CASP10: variants seen among roughly 807,000 people sequenced by gnomAD.
CASP10 encodes the protein caspase 10, also known as caspase-10.
A neutral mutation model predicts 48.5 loss-of-function variants in CASP10; 41 were observed. The ratio of observed to expected loss-of-function variants is 0.85; its 90% CI spans 0.66 to 1.10. The LOEUF (loss-of-function observed/expected upper bound fraction) is 1.10, where lower values mean the gene tolerates loss of function less well. Among genes scored for constraint, CASP10 ranks in the 50% least tolerant of loss-of-function variants. CASP10 has a pLI of 0.00. For missense variants in CASP10, 614 were observed against 614.5 expected, an observed-to-expected ratio of 1.00 and a Z score of 0.01; for synonymous variants, 232 against 238.4, an observed-to-expected ratio of 0.97 and a Z score of 0.25.
chr2:201,209,071 G>C lies in CASP10; in HGVS notation c.924G>C (p.Glu308Asp), dbSNP rs778824401. Residue 308 changes from glutamate to aspartate, a missense_variant and splice_region_variant, in exon 9 of 10, where the codon GAG becomes GAC. Physicochemically the swap from Glu to Asp is conservative, Grantham distance 45 (BLOSUM62 2). Coordinates refer to ENST00000286186, the MANE Select transcript of CASP10 (RefSeq NM_032977.4). The part of the protein sequence containing the change: ...KDRQGTHKDA[E>D]ILSHVFQWLG... ...TTTTTTTTTTTTGTTTTTAAACAGAGATCCTGAGTCATGTGTTCCAGTGGC... is the reference window on the plus strand; with the variant it reads ...TTTTTTTTTTTTGTTTTTAAACAGACATCCTGAGTCATGTGTTCCAGTGGC... 1.3e-6 allele frequency: 2 copies of C among 1,529,684 alleles called. No individual in the cohort carries two copies. The highest frequency in any genetic ancestry group is 1.8e-6 in the Non-Finnish European group (2 of 1,116,372). 94.8% of individuals were successfully genotyped at this position (1,529,684 alleles called of 1,614,324 possible). A position where few individuals can be genotyped will look rare whatever the true frequency, so the allele number is the denominator to read the frequency against.
At chr2:201,189,270 A>AT (rs35733718) in intron 3 of CASP10, among the ~76,000 whole-genome samples, 126 of 121,632 alleles carry the variant, frequency 1.0e-3, no homozygotes, top group Middle Eastern at 4.2e-3. Flanking sequence ...TCTTTCAGTT[A>AT]TTTTTTTTTT....
intron 4 of CASP10, among the ~76,000 whole-genome samples, chr2:201,194,741 C>T (rs1944729018): frequency 1.3e-5 from 2 of 152,170 alleles, no homozygotes; most frequent in South Asian, 4.1e-4. Context: ...TAGTTGATTA[C>T]ATTTGCCTCA....
chr2:201,223,596 A>T (rs1310321132), downstream of CASP10, among the ~76,000 whole-genome samples: 1 of 152,158 alleles, frequency 6.6e-6, no homozygotes, highest in African/African-American at 2.4e-5. Flanking sequence ...ACTCATTTTC[A>T]TTCTAAACTC....
chr2:201,187,614 A>C, intron 2 of CASP10, 92 bp from the exon 3 acceptor site: 1 of 944,544 alleles, frequency 1.1e-6, no homozygotes, highest in South Asian at 1.3e-5. Flanking sequence ...TGATCATTCA[A>C]ATGACAGAAA....
rs1157096312 is a variant in CASP10 at position 201,221,102 on chromosome 2, T to C, written c.*3361T>C. 3 of 985,342 alleles carry C rather than the reference T, an allele frequency of 3.0e-6. No individual in the cohort carries two copies. In the African/African-American group the frequency reaches 5.2e-5, roughly 17 times the overall value. 61.0% of individuals were successfully genotyped at this position (985,342 alleles called of 1,614,324 possible). On this transcript the variant is annotated 3_prime_UTR_variant, in exon 10 of 10. Transcript: ENST00000286186. ...GGTGGTAGGGTCTTCCGGTTGTAAC[T>C]GCAACAGAAATAGCAGGACTTAAGT...
intron 1 of CASP10, among the ~76,000 whole-genome samples, 198 bp downstream of exon 1, chr2:201,183,506 A>G (rs1439759268): frequency 6.6e-6 from 1 of 152,184 alleles, no homozygotes; most frequent in Non-Finnish European, 1.5e-5. Flanking sequence ...CGGGGCAGAA[A>G]TATGTTAGCT....
rs1275141318 is a variant in CASP10, at chr2:201,195,900, A to C, written c.636A>C (p.Glu212Asp). Reference sequence around the variant, plus strand: ...AAGCCGAGTCGTATCAAGGAGAGGAAGAACTAGTTTCCCAAACAGATGTTA... The same window carrying C: ...AAGCCGAGTCGTATCAAGGAGAGGACGAACTAGTTTCCCAAACAGATGTTA... ...DKEAESYQGE[E>D]ELVSQTDVKT... Residue 212 changes from glutamate (E) to aspartate (D), a missense_variant, in exon 5 of 10, where the codon GAA (glutamate) becomes GAC (aspartate). Physicochemically the swap from Glu to Asp is conservative, Grantham distance 45. Transcript: ENST00000286186. The C allele has an allele frequency of 1.2e-6, 2 of 1,614,074 alleles. No homozygotes were observed. The highest frequency in any genetic ancestry group is 1.7e-6 in the Non-Finnish European group (2 of 1,179,958).
Position 201,205,952 on chromosome 2 carries a change from A to C in CASP10, c.792A>C (p.Leu264=), listed in dbSNP as rs1945188767. Residue 264 remains leucine (L), a synonymous_variant, in exon 7 of 10, where the codon CTA becomes CTC. Transcript: ENST00000286186. ...TGCAAGGAGCATCTGCTAACACTCT[A>C]AACTCTGAAACCAGCACAAAGGTCT... The part of the protein sequence containing the change: ...RGMQGASANT[L]NSETSTKRAA... 6.2e-7 allele frequency: 1 copy of C among 1,612,000 alleles called. No individual in the cohort carries two copies. The highest frequency in any genetic ancestry group is 8.5e-7 in the Non-Finnish European group (1 of 1,178,154).
chr2:201,211,658 G>A (rs1249974542), intron 9 of CASP10, among the ~76,000 whole-genome samples: 2 of 152,034 alleles, frequency 1.3e-5, no homozygotes, highest in Non-Finnish European at 2.9e-5. Flanking sequence ...CTTGGCTATT[G>A]TAAATAATGC....
intron 1 of CASP10, among the ~76,000 whole-genome samples, chr2:201,184,572 C>T (rs1163575851): frequency 6.6e-6 from 1 of 152,258 alleles, no homozygotes; most frequent in African/African-American, 2.4e-5. Context: ...GATCCACCCG[C>T]CTTGGCCTCC....
At chr2:201,196,088 G>A (rs1390460023) in intron 5 of CASP10, 140 bp downstream of exon 5, 1 of 649,366 alleles carries the variant, frequency 1.5e-6, no homozygotes, top group Admixed American at 2.7e-5. Context: ...CATGGTGATT[G>A]CAAGTAAACA....
chr2:201,219,441 G>C lies in CASP10; in HGVS notation c.*1700G>C, dbSNP rs1277091317. On this transcript the variant is annotated 3_prime_UTR_variant, in exon 10 of 10. Coordinates refer to ENST00000286186, the MANE Select transcript of CASP10 (RefSeq NM_032977.4). ...GAATCAGGACTCAATCTACAGGCCA[G>C]CACCTTTCTCTTGGCCGGATGTCCT... The C allele has an allele frequency of 3.0e-6, 3 of 985,368 alleles. No homozygotes were observed. The highest frequency in any genetic ancestry group is 3.6e-6 in the Non-Finnish European group (3 of 829,976). The allele number at this position is 985,368 out of a possible 1,614,324, so 61.0% of individuals were successfully genotyped here. A position where few individuals can be genotyped will look rare whatever the true frequency, so the allele number is the denominator to read the frequency against.
At position 201,200,605 on chromosome 2, in the gene CASP10, C is replaced by T. The variant is rs145537503; in HGVS notation, c.685-3125C>T. ...GAGAGGCCTGCTCTTCGGCTCTGCC[C>T]TGAACCTCATTCGGCAGGTGGAGGT... On this transcript the variant is annotated intron_variant, in intron 5 of 9. Coordinates refer to ENST00000286186, the MANE Select transcript of CASP10 (RefSeq NM_032977.4). 518 of 1,509,694 alleles carry T rather than the reference C, an allele frequency of 3.4e-4. 2 individuals are homozygous for T. In the East Asian group the frequency reaches 9.7e-3, roughly 28 times the overall value. 93.5% of individuals were successfully genotyped at this position (1,509,694 alleles called of 1,614,324 possible). A position where few individuals can be genotyped will look rare whatever the true frequency, so the allele number is the denominator to read the frequency against.
intron 4 of CASP10, 52 bp downstream of exon 4, chr2:201,193,171 C>G (rs1299382920): frequency 1.3e-6 from 2 of 1,562,528 alleles, no homozygotes; most frequent in East Asian, 4.5e-5. Context: ...ATTCTTAAAC[C>G]AATTGGCCAT....
intron 8 of CASP10, chr2:201,208,446 C>A: frequency 1.3e-6 from 1 of 792,970 alleles, no homozygotes. Context: ...TGGGCGTGAG[C>A]TCCAGCTCCA....
At chr2:201,198,634 G>A (rs567696133) in intron 5 of CASP10, among the ~76,000 whole-genome samples, 12 of 136,718 alleles carry the variant, frequency 8.8e-5, no homozygotes, top group East Asian at 8.7e-4. Context: ...TCCGCCTCCC[G>A]TGTTCACACC....
chr2:201,224,546 A>G (rs1432340924), downstream of CASP10, among the ~76,000 whole-genome samples: 2 of 152,222 alleles, frequency 1.3e-5, no homozygotes, highest in Admixed American at 6.5e-5. Context: ...AAGGTGTTCA[A>G]GAAGAGTTTT....
At chr2:201,208,261 G>T in intron 8 of CASP10, 78 bp downstream of exon 8, 1 of 1,528,236 alleles carries the variant, frequency 6.5e-7, no homozygotes, top group South Asian at 1.3e-5. Context: ...TTTTCTTTCT[G>T]TGACTTTTAT....
Position 201,209,402 on chromosome 2 carries a change from C to G in CASP10, c.1255C>G (p.Pro419Ala). 1 of 1,614,070 alleles carries G rather than the reference C, an allele frequency of 6.2e-7. No individual in the cohort carries two copies. The highest frequency in any genetic ancestry group is 1.1e-5 in the South Asian group (1 of 91,068). ...ATCCATCGAAGCAGATGCTCTGAAC[C>G]CTGAGCAGGCACCCACTTCCCTGCA... ...SVSIEADALN[P>A]EQAPTSLQDS... The change falls in exon 9 of 10, where the codon CCT (proline) becomes GCT (alanine). Residue 419 changes from proline (P) to alanine (A), a missense_variant. Transcript: ENST00000286186.
Sources: gnomAD v4.1 joint callset for allele counts (sites outside exome capture counted in the v4.1 genomes callset) on GRCh38, gnomAD v4.1.1 for gene constraint, MANE v1.5 for transcripts, NCBI Gene and HGNC (gene_info 2026-07-23, HGNC 2026-07-21) for gene names.